Variants in IL5RA observed in about 807,000 individuals in gnomAD.
The protein encoded by IL5RA is interleukin-5 receptor subunit alpha.
In IL5RA, 49 loss-of-function variants were observed where a neutral mutation model predicts 50.0. The ratio of observed to expected loss-of-function variants is 0.98; its 90% CI spans 0.78 to 1.24. The LOEUF (loss-of-function observed/expected upper bound fraction) is 1.24. Among genes scored for constraint, IL5RA ranks in the 50% most tolerant of loss-of-function variants. The probability of loss-of-function intolerance (pLI) is 0.00; values close to 1 mark genes in which losing one functional copy is unlikely to be tolerated. For synonymous variants in IL5RA, 202 were observed against 174.0 expected (o/e 1.16, Z -1.26); for missense variants, 600 against 500.4 (o/e 1.20, Z -1.90).
intron 9 of IL5RA, among the ~76,000 whole-genome samples, chr3:3,078,899 C>T (rs1049964786): frequency 1.3e-5 from 2 of 151,776 alleles, no homozygotes; most frequent in Admixed American, 6.6e-5. Context: ...TCTAACACTG[C>T]TTTTTTAATC....
intron 9 of IL5RA, among the ~76,000 whole-genome samples, chr3:3,087,553 A>G (rs1274828715): frequency 6.6e-6 from 1 of 152,150 alleles, no homozygotes; most frequent in Admixed American, 6.6e-5. Flanking sequence ...AGAAAATTGT[A>G]TATTAATAGC....
At chr3:3,086,592 G>A (rs1702871906) in intron 9 of IL5RA, among the ~76,000 whole-genome samples, 1 of 152,038 alleles carries the variant, frequency 6.6e-6, no homozygotes, top group South Asian at 2.1e-4. Flanking sequence ...CAGCTACTCA[G>A]GAGGCTAAGG....
intron 9 of IL5RA, among the ~76,000 whole-genome samples, chr3:3,079,332 A>G (rs968728160): frequency 6.6e-6 from 1 of 152,146 alleles, no homozygotes; most frequent in Non-Finnish European, 1.5e-5. Flanking sequence ...GTTCTTCTTC[A>G]TATAAAAACC....
At chr3:3,080,410 C>G (rs1702624116) in intron 9 of IL5RA, among the ~76,000 whole-genome samples, 1 of 152,154 alleles carries the variant, frequency 6.6e-6, no homozygotes, top group South Asian at 2.1e-4. Context: ...CCATTCCCCT[C>G]CCTCCCTCTG....
At chr3:3,080,737 C>G (rs1702634819) in intron 9 of IL5RA, among the ~76,000 whole-genome samples, 1 of 152,198 alleles carries the variant, frequency 6.6e-6, no homozygotes, top group Non-Finnish European at 1.5e-5. Flanking sequence ...CTGTATCACC[C>G]AGGCTGGAGT....
At chr3:3,096,573 C>A (rs1575000909) in intron 7 of IL5RA, among the ~76,000 whole-genome samples, 1 of 152,092 alleles carries the variant, frequency 6.6e-6, no homozygotes, top group Non-Finnish European at 1.5e-5. Context: ...TAGGAATCAG[C>A]CTCAATAAAA....
intron 11 of IL5RA, among the ~76,000 whole-genome samples, chr3:3,071,188 G>A (rs185079369): frequency 1.7e-3 from 265 of 152,250 alleles, no homozygotes; most frequent in African/African-American, 5.9e-3. Context: ...GCCGTGTCTC[G>A]GGAATTCACT....
At chr3:3,077,970 G>A (rs970132230) in intron 9 of IL5RA, among the ~76,000 whole-genome samples, 1 of 152,034 alleles carries the variant, frequency 6.6e-6, no homozygotes, top group African/African-American at 2.4e-5. Flanking sequence ...TATTTACTGG[G>A]CTCCTATTAT....
Position 3,092,396 on chromosome 3 carries a change from T to C in IL5RA, c.856-34A>G, listed in dbSNP as rs779615200. On this transcript the variant is annotated intron_variant, in intron 8 of 11. Coordinates refer to ENST00000446632, the MANE Select transcript of IL5RA (RefSeq NM_175726.4). This position sits in a 1 kb window ranked among gnomAD's most constrained non-coding sequence, Gnocchi z 4.2. ...GGAAAGATAGCATTAGAAGAATCTC[T>C]AGACACCTAATTTAGTTCTGCCGAT... 5.0e-6 allele frequency: 8 copies of C among 1,600,496 alleles called. No individual in the cohort carries two copies. The East Asian group carries it at 1.8e-4, about 36-fold the overall frequency.
At position 3,104,269 on chromosome 3, in the gene IL5RA, C is replaced by T. The variant is rs1489197903; in HGVS notation, c.82+634G>A. ...AGCCAGGTGGGTCTCAAACTTCTGA[C>T]TTCAAGTGATCCACCTGCCCCGGCC... On this transcript the variant is annotated intron_variant, in intron 3 of 11. Transcript: ENST00000446632. Among the ~76,000 whole-genome samples, 6 of 152,286 alleles carry T rather than the reference C, an allele frequency of 3.9e-5. No homozygotes were observed. The South Asian group carries it at 1.0e-3, about 26-fold the overall frequency.
intron 2 of IL5RA, chr3:3,105,618 T>C (rs1176620844): frequency 8.8e-6 from 1 of 113,652 alleles, no homozygotes; most frequent in African/African-American, 3.5e-5. Context: ...TGTTGATTTG[T>C]TTTGTTCCCC....
chr3:3,085,529 G>A (rs1248855063), intron 9 of IL5RA, among the ~76,000 whole-genome samples: 1 of 152,186 alleles, frequency 6.6e-6, no homozygotes, highest in Non-Finnish European at 1.5e-5. Flanking sequence ...AATCAGGTTG[G>A]AGCTGCGGGA....
At chr3:3,077,324 T>C (rs1441760004) in intron 9 of IL5RA, among the ~76,000 whole-genome samples, 1 of 152,254 alleles carries the variant, frequency 6.6e-6, no homozygotes, top group African/African-American at 2.4e-5. Context: ...TATTATACTT[T>C]AAGTTTTAGG....
At chr3:3,089,418 C>A (rs111722811) in intron 9 of IL5RA, among the ~76,000 whole-genome samples, 1 of 152,184 alleles carries the variant, frequency 6.6e-6, no homozygotes, top group African/African-American at 2.4e-5. Flanking sequence ...TGTGTCAGAT[C>A]GGAGTCATTT....
intron 9 of IL5RA, among the ~76,000 whole-genome samples, chr3:3,080,540 C>A (rs986001626): frequency 1.3e-5 from 2 of 152,172 alleles, no homozygotes; most frequent in South Asian, 4.1e-4. Context: ...CTGTGGGAAG[C>A]CCTGTTCTAT....
In IL5RA at chr3:3,070,172, T is replaced by TCACTGAGG; in HGVS notation, c.*45_*52dup. 1 of 1,174,760 alleles carries TCACTGAGG rather than the reference T, an allele frequency of 8.5e-7. No homozygotes were observed. Among genetic ancestry groups the TCACTGAGG allele is most frequent in the Non-Finnish European group, 1.3e-6 (1 of 794,300 alleles). 72.8% of individuals were successfully genotyped at this position (1,174,760 alleles called of 1,614,324 possible). A position where few individuals can be genotyped will look rare whatever the true frequency, so the allele number is the denominator to read the frequency against. On this transcript the variant is annotated 3_prime_UTR_variant, in exon 12 of 12. Coordinates refer to ENST00000446632, the MANE Select transcript of IL5RA (RefSeq NM_175726.4). ...CCAAGAGCCAGCATCCCTGTTCTTT[T>TCACTGAGG]CACTGAGGCACTGAGGCATGTGTGA...
chr3:3,085,004 C>T (rs73006982), intron 9 of IL5RA, among the ~76,000 whole-genome samples: 49 of 152,344 alleles, frequency 3.2e-4, no homozygotes, highest in Non-Finnish European at 6.5e-4. Context: ...ACTCCCTGCT[C>T]CTGGCATTTG....
In IL5RA at chr3:3,092,211, A is replaced by T; in HGVS notation, c.994+13T>A. ...GGAAGGCTGCCAATGTAAAATAAAC[A>T]TAAGCTACTTACCCACATAAATAGG... On this transcript the variant is annotated intron_variant, in intron 9 of 11. Transcript: ENST00000446632. The surrounding 1 kb of genome is among the most constrained non-coding windows in gnomAD (Gnocchi z 4.2). 1 of 1,608,174 alleles carries T rather than the reference A, an allele frequency of 6.2e-7. No individual in the cohort carries two copies. The highest frequency in any genetic ancestry group is 8.5e-7 in the Non-Finnish European group (1 of 1,178,454).
Position 3,097,944 on chromosome 3 carries a change from G to A in IL5RA, c.635C>T (p.Ala212Val), listed in dbSNP as rs1042216657. The part of the protein sequence containing the change: ...FILSKGRDWL[A>V]VLVNGSSKHS... ...CTTGCTGGAGCCGTTAACAAGCACC[G>A]CAAGCCAGTCACGCCCTTTGCTGAG... Residue 212 changes from alanine (A) to valine (V), a missense_variant, in exon 7 of 12, where the codon GCG becomes GTG. Physicochemically the swap from Ala to Val is moderately conservative, Grantham distance 64. Transcript: ENST00000446632. 25 of 1,614,018 alleles carry A rather than the reference G, an allele frequency of 1.5e-5. No homozygotes were observed. Among genetic ancestry groups the A allele is most frequent in the African/African-American group, 2.7e-5 (2 of 74,906 alleles).
Sources: gnomAD v4.1 joint callset for allele counts (sites outside exome capture counted in the v4.1 genomes callset) on GRCh38, gnomAD v4.1.1 for gene constraint, Gnocchi (gnomAD v3.1) non-coding constraint, MANE v1.5 for transcripts, NCBI Gene and HGNC (gene_info 2026-07-23, HGNC 2026-07-21) for gene names.